TBC1D30: variants seen among roughly 807,000 people sequenced by gnomAD.
TBC1D30 encodes the protein TBC1 domain family, member 30.
A neutral mutation model predicts 63.2 loss-of-function variants in TBC1D30; 31 were observed. The observed-to-expected ratio is 0.49, with a 90% CI of 0.37 to 0.66. The LOEUF (loss-of-function observed/expected upper bound fraction) is 0.66, where lower values mean the gene tolerates loss of function less well. Ranked by LOEUF, TBC1D30 falls within the 30% of genes least tolerant of loss-of-function variation. The pLI is 0.00. For missense variants in TBC1D30, 810 were observed against 953.6 expected (o/e 0.85, Z 1.98); for synonymous variants, 307 against 361.5 (o/e 0.85, Z 1.71).
At chr12:64,844,239 A>C (rs1225290326) in intron 8 of TBC1D30, among the ~76,000 whole-genome samples, 1 of 152,254 alleles carries the variant, frequency 6.6e-6, no homozygotes, top group Non-Finnish European at 1.5e-5. Context: ...TTTTAAAGTG[A>C]AAGACTTGAA....
Position 64,875,216 on chromosome 12 carries a change from C to T in TBC1D30, c.1714C>T (p.His572Tyr). The T allele has an allele frequency of 6.5e-7, 1 of 1,536,322 alleles. No homozygotes were observed. The highest frequency in any genetic ancestry group is 8.7e-7 in the Non-Finnish European group (1 of 1,146,918). Residue 572 changes from histidine to tyrosine, a missense_variant, in exon 12 of 12, where the codon CAC becomes TAC. His to Tyr is a moderately conservative substitution (Grantham distance 83, BLOSUM62 2). Coordinates refer to ENST00000539867, the MANE Select transcript of TBC1D30 (RefSeq NM_015279.2). ...CCCGTGGCGAACTCACATCCGAGTC[C>T]ACAAAAAGAACATGCCAAGGACCAA... is the stretch of plus-strand genomic sequence containing the variant. The part of the protein sequence containing the change: ...NSPWRTHIRV[H>Y]KKNMPRTKSH...
intron 8 of TBC1D30, among the ~76,000 whole-genome samples, chr12:64,861,475 A>G (rs17100719): frequency 0.043 from 6,514 of 152,194 alleles, 458 homozygotes; most frequent in African/African-American, 0.15. Flanking sequence ...TAAGGTCTTT[A>G]TTTTTGAGCC....
intron 1 of TBC1D30, among the ~76,000 whole-genome samples, chr12:64,773,620 C>T (rs1870980969): frequency 6.6e-6 from 1 of 152,196 alleles, no homozygotes; most frequent in South Asian, 2.1e-4. Context: ...TGGGATGGAG[C>T]TCTCAGAGGA....
At chr12:64,866,472 G>A (rs957183971) in intron 9 of TBC1D30, among the ~76,000 whole-genome samples, 6 of 151,250 alleles carry the variant, frequency 4.0e-5, no homozygotes, top group Admixed American at 2.6e-4. Flanking sequence ...GTCTTGCTCT[G>A]TCGTCGCCCA....
At chr12:64,846,337 T>G (rs958489035) in intron 8 of TBC1D30, among the ~76,000 whole-genome samples, 3 of 151,950 alleles carry the variant, frequency 2.0e-5, no homozygotes, top group African/African-American at 7.3e-5. Flanking sequence ...GTTTGAGGTC[T>G]TAGATTTGAG....
At chr12:64,803,170 C>T (rs887586842) in intron 2 of TBC1D30, among the ~76,000 whole-genome samples, 1 of 152,194 alleles carries the variant, frequency 6.6e-6, no homozygotes, top group African/African-American at 2.4e-5. Flanking sequence ...TGTTTCCTGA[C>T]TTTTTAATGA....
intron 1 of TBC1D30, among the ~76,000 whole-genome samples, chr12:64,767,755 T>C (rs1870763487): frequency 8.7e-6 from 1 of 114,854 alleles, no homozygotes; most frequent in Non-Finnish European, 1.6e-5. Context: ...GTGACTAGCA[T>C]CTGGACACCT....
At chr12:64,774,022 C>T (rs1870992228) in intron 1 of TBC1D30, among the ~76,000 whole-genome samples, 3 of 152,116 alleles carry the variant, frequency 2.0e-5, no homozygotes, top group Admixed American at 6.5e-5. Context: ...TATTGTAACC[C>T]AATGGAAGGA....
chr12:64,796,453 G>C (rs1330754759), intron 2 of TBC1D30, among the ~76,000 whole-genome samples: 1 of 152,056 alleles, frequency 6.6e-6, no homozygotes, highest in Non-Finnish European at 1.5e-5. Flanking sequence ...TTAAGCTTAC[G>C]TGAGAGAAGT....
chr12:64,767,796 G>A (rs532206448), intron 1 of TBC1D30, among the ~76,000 whole-genome samples: 2 of 111,956 alleles, frequency 1.8e-5, no homozygotes, highest in African/African-American at 6.3e-5. Flanking sequence ...GGCGGGGGGG[G>A]GGGGAGGGGG....
At position 64,827,856 on chromosome 12, in the gene TBC1D30, T is replaced by C; in HGVS notation, c.176T>C (p.Phe59Ser). 6.5e-7 allele frequency: 1 copy of C among 1,534,546 alleles called. No homozygotes were observed. The highest frequency in any genetic ancestry group is 1.4e-5 in the African/African-American group (1 of 73,140). The change falls in exon 2 of 12, where the codon TTC becomes TCC. Residue 59 changes from phenylalanine to serine, a missense_variant. By Grantham distance (155) the Phe-to-Ser change is radical. Around this residue, in one of 4 missense-constraint regions of TBC1D30, gnomAD observed 272 missense variants for 335.9 expected, o/e 0.81. Coordinates refer to ENST00000539867, the MANE Select transcript of TBC1D30 (RefSeq NM_015279.2). ...LEPGVDTKLKFTLEPSLGQNG... is the reference protein window; with the variant it reads ...LEPGVDTKLKSTLEPSLGQNG... ...TCAGGAGTTGATACCAAGTTGAAAT[T>C]CACTCTTGAGCCATCTTTAGGTCAA...
At chr12:64,819,406 C>CTTT (rs55757950) in intron 2 of TBC1D30, among the ~76,000 whole-genome samples, 8 of 77,992 alleles carry the variant, frequency 1.0e-4, no homozygotes, top group Non-Finnish European at 2.0e-4. Flanking sequence ...GAAGGAACTA[C>CTTT]TTTTTTTTTT....
intron 2 of TBC1D30, among the ~76,000 whole-genome samples, chr12:64,796,669 T>C (rs976648433): frequency 1.3e-5 from 2 of 152,188 alleles, no homozygotes; most frequent in East Asian, 1.9e-4. Context: ...CAATTTATAG[T>C]TTAAAAAGAG....
intron 9 of TBC1D30, among the ~76,000 whole-genome samples, 185 bp from the exon 10 acceptor site, chr12:64,866,579 A>T (rs777346172): frequency 3.3e-5 from 5 of 152,118 alleles, no homozygotes; most frequent in Non-Finnish European, 5.9e-5. Context: ...CTGGAATTAC[A>T]GGTGTGCGGC....
At chr12:64,837,683 C>A (rs899436624) in intron 6 of TBC1D30, among the ~76,000 whole-genome samples, 5 of 152,168 alleles carry the variant, frequency 3.3e-5, no homozygotes, top group Admixed American at 3.3e-4. Flanking sequence ...CCCAGAGATA[C>A]CTGAATGTCT....
At chr12:64,822,682 T>TTC (rs1289737714), upstream of TBC1D30, among the ~76,000 whole-genome samples, 2 of 151,176 alleles carry the variant, frequency 1.3e-5, no homozygotes, top group African/African-American at 2.4e-5. Flanking sequence ...TAGCTTTTTT[T>TTC]TTTTTTTTGT....
chr12:64,875,709 C>T lies in TBC1D30; in HGVS notation c.2207C>T (p.Thr736Ile), dbSNP rs756570672. 3.3e-6 allele frequency: 5 copies of T among 1,536,520 alleles called. No homozygotes were observed. The African/African-American group carries it at 6.8e-5, about 21-fold the overall frequency. ...NLGLYGPTER[T>I]PTVHFPQMSR... ...GGATTATATGGCCCTACAGAAAGAA[C>T]CCCAACTGTGCACTTTCCTCAAATG... The change falls in exon 12 of 12, where the codon ACC (threonine) becomes ATC (isoleucine). Residue 736 changes from threonine to isoleucine, a missense_variant. Physicochemically the swap from Thr to Ile is moderately conservative, Grantham distance 89 (BLOSUM62 -1). Transcript: ENST00000539867.
chr12:64,792,956 A>T (rs780992856), intron 2 of TBC1D30, among the ~76,000 whole-genome samples: 1 of 152,138 alleles, frequency 6.6e-6, no homozygotes. Flanking sequence ...AGGCCTTTCC[A>T]TGCTCTCCCC....
chr12:64,822,145 C>T (rs1020340645), upstream of TBC1D30, among the ~76,000 whole-genome samples: 2 of 152,134 alleles, frequency 1.3e-5, no homozygotes, highest in Non-Finnish European at 1.5e-5. Context: ...TTTATGAAGG[C>T]ATTTAAAAAT....
Sources: allele counts gnomAD v4.1 joint callset (sites outside exome capture counted in the v4.1 genomes callset), GRCh38; gene constraint gnomAD v4.1.1; regional missense constraint gnomAD v4.1.1; transcripts MANE v1.5; gene names NCBI Gene and HGNC (gene_info 2026-07-23, HGNC 2026-07-21).